The following TMEM116 variants were observed in gnomAD, a reference collection of about 807,000 sequenced individuals.
TMEM116 encodes the protein transmembrane protein 116.
Under a neutral mutation model 44.3 loss-of-function variants are expected in TMEM116, and 38 were observed. The observed-to-expected ratio is 0.86, with a 90% CI of 0.66 to 1.12. The LOEUF (loss-of-function observed/expected upper bound fraction) is 1.12, where lower values mean the gene tolerates loss of function less well. Ranked by LOEUF, TMEM116 falls within the 50% of genes most tolerant of loss-of-function variation. TMEM116 has a pLI of 0.00. For synonymous variants in TMEM116, 132 were observed against 144.8 expected (o/e 0.91, Z 0.64); for missense variants, 354 against 401.7 (o/e 0.88, Z 1.01).
chr12:111,967,484 A>AT (rs1213625395), intron 4 of TMEM116, among the ~76,000 whole-genome samples: 7 of 151,570 alleles, frequency 4.6e-5, no homozygotes, highest in East Asian at 3.9e-4. Context: ...AAGCACCTGG[A>AT]TTTTTTTTTC....
At chr12:111,968,966 C>T (rs1218603138) in intron 4 of TMEM116, among the ~76,000 whole-genome samples, 3 of 134,068 alleles carry the variant, frequency 2.2e-5, no homozygotes, top group South Asian at 5.0e-4. Context: ...GCACTCCAAC[C>T]TGGGCAACAG....
chr12:111,946,992 A>G (rs924927889), intron 4 of TMEM116, among the ~76,000 whole-genome samples: 1 of 152,132 alleles, frequency 6.6e-6, no homozygotes, highest in South Asian at 2.1e-4. Context: ...ACTTTCCATA[A>G]AAAGAAAAAA....
rs1169039253 is a variant in TMEM116 at position 111,943,467 on chromosome 12, C to T, written c.211-98G>A. On this transcript the variant is annotated intron_variant, in intron 4 of 10. Transcript: ENST00000552374. ...TTATTTTCTATTATGAGAATCCTAC[C>T]TACTAGTCTATTAGTAATGTACCAT... 3 of 834,024 alleles carry T rather than the reference C, an allele frequency of 3.6e-6. No individual in the cohort carries two copies. In the African/African-American group the frequency reaches 5.0e-5, roughly 14 times the overall value. The allele number at this position is 834,024 out of a possible 1,614,324, so 51.7% of individuals were successfully genotyped here.
chr12:111,958,222 A>G (rs2074297670), intron 4 of TMEM116, among the ~76,000 whole-genome samples: 1 of 140,370 alleles, frequency 7.1e-6, no homozygotes, highest in Non-Finnish European at 1.5e-5. Flanking sequence ...CTATTGTCCT[A>G]TGACCCTGCC....
chr12:111,950,110 C>T (rs2073602894), intron 4 of TMEM116, among the ~76,000 whole-genome samples: 1 of 151,254 alleles, frequency 6.6e-6, no homozygotes, highest in Admixed American at 6.6e-5. Flanking sequence ...AGTGAGACTC[C>T]CTCTCAAAAA....
intron 4 of TMEM116, among the ~76,000 whole-genome samples, chr12:111,966,127 A>G (rs7963329): frequency 0.35 from 53,108 of 151,884 alleles, 13,494 homozygotes; most frequent in East Asian, 0.85. Context: ...CCAACGTGGC[A>G]AAACCCTATC....
chr12:111,941,597 G>C (rs774563876), intron 5 of TMEM116, among the ~76,000 whole-genome samples: 18 of 152,118 alleles, frequency 1.2e-4, no homozygotes, highest in African/African-American at 1.7e-4. Context: ...TACTGAACTA[G>C]ACTGTGAATT....
At chr12:111,962,509 C>T (rs1403230901) in intron 4 of TMEM116, among the ~76,000 whole-genome samples, 1 of 152,080 alleles carries the variant, frequency 6.6e-6, no homozygotes, top group Non-Finnish European at 1.5e-5. Context: ...GAAATAACAC[C>T]ACACATCTAC....
rs56204241 is a variant in TMEM116 at position 111,965,983 on chromosome 12, T to C, written c.211-22614A>G. ...AACAAAAAATTAAGATAAAGATCCA[T>C]TTAAAACATTCTCATCCTCATTTGT... On this transcript the variant is annotated intron_variant, in intron 4 of 10. Coordinates refer to ENST00000552374, the MANE Select transcript of TMEM116 (RefSeq NM_001193531.2). 0.056 allele frequency among the ~76,000 whole-genome samples: 8,408 copies of C among 150,574 alleles called. 1,294 individuals are homozygous for C. In the East Asian group the frequency reaches 0.62, roughly 11 times the overall value.
At chr12:112,005,551 GA>G in intron 1 of TMEM116, 3 of 478,528 alleles carry the variant, frequency 6.3e-6, no homozygotes, top group Non-Finnish European at 8.8e-6. Flanking sequence ...GATGTGGATT[GA>G]AAAATGACTA....
intron 4 of TMEM116, among the ~76,000 whole-genome samples, chr12:111,974,964 C>T (rs1234701318): frequency 3.3e-5 from 5 of 152,186 alleles, no homozygotes; most frequent in Admixed American, 1.3e-4. Context: ...GACCTATATA[C>T]TTGAAAACTA....
chr12:111,942,124 G>C (rs528835508), intron 5 of TMEM116, among the ~76,000 whole-genome samples: 94 of 152,024 alleles, frequency 6.2e-4, no homozygotes, highest in African/African-American at 2.3e-3. Flanking sequence ...TTTTAGTAGA[G>C]ACGGGGTTTC....
chr12:111,951,890 T>C (rs1031803873), intron 4 of TMEM116, among the ~76,000 whole-genome samples: 2 of 152,112 alleles, frequency 1.3e-5, no homozygotes, highest in African/African-American at 4.8e-5. Flanking sequence ...CCAATACAAC[T>C]TTTTGTTCAG....
At position 111,936,741 on chromosome 12, in the gene TMEM116, C is replaced by T. The variant is rs771830334; in HGVS notation, c.539G>A (p.Gly180Asp). ...AAAGCTGCCCAGGAAAATGGCGATA[C>T]CATAAAAATAAAGTGTGCTACAGAC... ...TSVCSTLYFY[G>D]IAIFLGSFVL... The change falls in exon 8 of 11, where the codon GGT becomes GAT. Residue 180 changes from glycine to aspartate, a missense_variant. Transcript: ENST00000552374. The T allele has an allele frequency of 6.2e-7, 1 of 1,613,924 alleles. No individual in the cohort carries two copies. Among genetic ancestry groups the T allele is most frequent in the Non-Finnish European group, 8.5e-7 (1 of 1,179,972 alleles).
chr12:111,981,617 A>T (rs1268607350), intron 4 of TMEM116, among the ~76,000 whole-genome samples: 1 of 152,202 alleles, frequency 6.6e-6, no homozygotes, highest in Non-Finnish European at 1.5e-5. Context: ...AGAGGCAAAT[A>T]CATTAGCCAC....
intron 1 of TMEM116, chr12:112,012,518 A>G (rs2077890204): frequency 6.6e-6 from 1 of 152,526 alleles, no homozygotes; most frequent in Non-Finnish European, 1.5e-5. Context: ...ACCTCAGGTA[A>G]TCCACCTGCC....
chr12:112,008,087 G>A (rs1412241394), intron 1 of TMEM116, among the ~76,000 whole-genome samples: 2 of 152,180 alleles, frequency 1.3e-5, no homozygotes, highest in African/African-American at 4.8e-5. Context: ...GCAGGCTGCG[G>A]CAGGAGGATC....
chr12:111,971,394 T>G (rs2075326018), intron 4 of TMEM116, among the ~76,000 whole-genome samples: 1 of 151,948 alleles, frequency 6.6e-6, no homozygotes, highest in Admixed American at 6.6e-5. Flanking sequence ...GAAAGTACAC[T>G]ATTGTAAGAT....
chr12:111,960,128 A>G (rs1731835423), intron 4 of TMEM116, among the ~76,000 whole-genome samples: 1 of 152,188 alleles, frequency 6.6e-6, no homozygotes, highest in Non-Finnish European at 1.5e-5. Context: ...AATGCAAAAG[A>G]ACGGAAATCG....
Sources: allele counts gnomAD v4.1 joint callset (sites outside exome capture counted in the v4.1 genomes callset), GRCh38; gene constraint gnomAD v4.1.1; transcripts MANE v1.5; gene names NCBI Gene and HGNC (gene_info 2026-07-23, HGNC 2026-07-21).